POLR3C: variants seen among roughly 807,000 people sequenced by gnomAD.
The protein encoded by POLR3C is RNA polymerase III subunit C, also known as DNA-directed RNA polymerase III subunit RPC3.
Under a neutral mutation model 65.9 loss-of-function variants are expected in POLR3C, and 44 were observed. That is an observed-to-expected ratio of 0.67 (90% confidence interval 0.52 to 0.86). POLR3C has a LOEUF of 0.86. Ranked by LOEUF, POLR3C falls within the 40% of genes least tolerant of loss-of-function variation. The pLI is 0.00. For synonymous variants in POLR3C, 263 were observed against 231.6 expected (o/e 1.14, Z -1.23); for missense variants, 576 against 653.2 (o/e 0.88, Z 1.29).
chr1:145,840,435 G>C (rs2101658348), intron 13 of POLR3C: 2 of 400,674 alleles, frequency 5.0e-6, no homozygotes, highest in Non-Finnish European at 9.3e-6. Context: ...AGCTACTCGG[G>C]AGGCTAAGGC....
intron 4 of POLR3C, 78 bp downstream of exon 4, chr1:145,827,083 A>G: frequency 1.8e-6 from 2 of 1,140,608 alleles, no homozygotes; most frequent in South Asian, 2.7e-5. Flanking sequence ...ATGAAATGTG[A>G]TTGTATTTAC....
chr1:145,827,090 T>C (rs2101631371), intron 4 of POLR3C, 85 bp downstream of exon 4: 1 of 1,090,354 alleles, frequency 9.2e-7, no homozygotes, highest in Non-Finnish European at 1.4e-6. Flanking sequence ...GTGATTGTAT[T>C]TACCAAGTAT....
chr1:145,828,609 T>G, intron 4 of POLR3C, 140 bp from the exon 5 acceptor site: 1 of 627,394 alleles, frequency 1.6e-6, no homozygotes. Context: ...GAGTTTCTTA[T>G]AGCTCTTCAG....
intron 1 of POLR3C, among the ~76,000 whole-genome samples, chr1:145,825,021 A>G (rs1051806325): frequency 6.6e-6 from 1 of 152,106 alleles, no homozygotes; most frequent in Non-Finnish European, 1.5e-5. Context: ...TTTCCTATGC[A>G]TACATTTTTC....
chr1:145,837,913 A>G (rs1476400160), intron 10 of POLR3C, 143 bp from the exon 11 acceptor site: 16 of 723,698 alleles, frequency 2.2e-5, no homozygotes, highest in Non-Finnish European at 3.2e-5. Flanking sequence ...TCACCAACCT[A>G]TGGAGCTGTA....
chr1:145,837,393 A>G (rs1230472588), intron 9 of POLR3C, 143 bp from the exon 10 acceptor site: 31 of 546,616 alleles, frequency 5.7e-5, no homozygotes, highest in Non-Finnish European at 5.8e-5. Flanking sequence ...ATATTTATGT[A>G]CCATGACTGA....
chr1:145,844,258 C>T lies in POLR3C; in HGVS notation c.*1838C>T, dbSNP rs1161121916. On this transcript the variant is annotated 3_prime_UTR_variant, in exon 15 of 15. Transcript: ENST00000334163. ...ATTCACGATAGCCAAAACATGGAAT[C>T]AACCTAAGTGCCCATCAATAGATGA... is the stretch of plus-strand genomic sequence containing the variant. Among the ~76,000 whole-genome samples, 4 of 152,186 alleles carry T rather than the reference C, an allele frequency of 2.6e-5. No individual in the cohort carries two copies. Among genetic ancestry groups the T allele is most frequent in the Non-Finnish European group, 5.9e-5 (4 of 68,032 alleles).
chr1:145,824,749 A>T (rs1264678888), intron 1 of POLR3C, among the ~76,000 whole-genome samples: 2 of 152,220 alleles, frequency 1.3e-5, no homozygotes, highest in East Asian at 1.9e-4. Context: ...CAAACAACGT[A>T]ACCTCATCTC....
At chr1:145,833,886 C>T (rs1006444751) in intron 7 of POLR3C, among the ~76,000 whole-genome samples, 5 of 152,290 alleles carry the variant, frequency 3.3e-5, no homozygotes, top group Middle Eastern at 3.4e-3. Context: ...CATTATTTGA[C>T]CCCCTGTACT....
At chr1:145,842,268 C>T in intron 14 of POLR3C, 71 bp from the exon 15 acceptor site, 1 of 909,034 alleles carries the variant, frequency 1.1e-6, no homozygotes, top group East Asian at 2.4e-5. Flanking sequence ...TGGCCACACC[C>T]ACCCTAACCT....
intron 13 of POLR3C, chr1:145,840,397 G>A (rs1652198630): frequency 2.1e-6 from 1 of 466,390 alleles, no homozygotes; most frequent in African/African-American, 2.0e-5. Flanking sequence ...AAAATTAGCT[G>A]GGCATGGTGG....
At chr1:145,828,702 G>A (rs782097245) in intron 4 of POLR3C, 47 bp from the exon 5 acceptor site, 1 of 1,270,418 alleles carries the variant, frequency 7.9e-7, no homozygotes, top group Admixed American at 1.7e-5. Context: ...GTCATTTCCT[G>A]TCATCATATG....
intron 1 of POLR3C, 198 bp downstream of exon 1, chr1:145,824,567 C>T (rs1553725264): frequency 1.6e-6 from 2 of 1,267,492 alleles, no homozygotes; most frequent in Non-Finnish European, 2.1e-6. Context: ...GATACTGAGG[C>T]GGGGTGGGGA....
At chr1:145,828,506 G>C (rs1200818983) in intron 4 of POLR3C, among the ~76,000 whole-genome samples, 1 of 152,114 alleles carries the variant, frequency 6.6e-6, no homozygotes, top group African/African-American at 2.4e-5. Context: ...GTGGGAGGAT[G>C]ATATCACTGG....
At chr1:145,840,547 A>G (rs1295033041) in intron 13 of POLR3C, 2 of 258,308 alleles carry the variant, frequency 7.7e-6, no homozygotes, top group Non-Finnish European at 1.5e-5. Flanking sequence ...CTCAAAAAAA[A>G]AAATTTTTTT....
chr1:145,825,738 T>C lies in POLR3C; in HGVS notation c.-20-19T>C. On this transcript the variant is annotated intron_variant, in intron 1 of 14. Coordinates refer to ENST00000334163, the MANE Select transcript of POLR3C (RefSeq NM_006468.8). The stretch of plus-strand genomic sequence containing the variant: ...CGTGAAAGACTTTCTATTGTACCAT[T>C]TTGGTGTTTTTTCCCTAGCTCTCAG... 6.4e-7 allele frequency: 1 copy of C among 1,555,930 alleles called. No individual in the cohort carries two copies. Among genetic ancestry groups the C allele is most frequent in the Non-Finnish European group, 8.8e-7 (1 of 1,131,538 alleles).
At position 145,838,165 on chromosome 1, in the gene POLR3C, A is replaced by ATGC; in HGVS notation, c.1182_1184dup (p.Leu395dup). The ATGC allele has an allele frequency of 6.2e-7, 1 of 1,614,016 alleles. No individual in the cohort carries two copies. The highest frequency in any genetic ancestry group is 2.2e-5 in the East Asian group (1 of 44,888). Reference sequence around the variant, plus strand: ...GATTCCTGCAAAGGAGGCAAAGGATATGCTATATAAGATGCTCTCAGAAAA... The same window carrying ATGC: ...GATTCCTGCAAAGGAGGCAAAGGATATGCTGCTATATAAGATGCTCTCAGAAAA... On this transcript the variant is annotated inframe_insertion, in exon 11 of 15. Coordinates refer to ENST00000334163, the MANE Select transcript of POLR3C (RefSeq NM_006468.8).
At chr1:145,833,452 C>A in intron 6 of POLR3C, 38 bp from the exon 7 acceptor site, 2 of 1,557,376 alleles carry the variant, frequency 1.3e-6, no homozygotes, top group Non-Finnish European at 1.8e-6. Context: ...CCAGGGGCAG[C>A]ACTGTGATTT....
At chr1:145,831,566 A>G (rs1453368668) in intron 5 of POLR3C, among the ~76,000 whole-genome samples, 1 of 152,044 alleles carries the variant, frequency 6.6e-6, no homozygotes, top group Non-Finnish European at 1.5e-5. Context: ...AGATTTGGAA[A>G]TGCATCAATA....
Sources: gnomAD v4.1 joint callset for allele counts (sites outside exome capture counted in the v4.1 genomes callset) on GRCh38, gnomAD v4.1.1 for gene constraint, MANE v1.5 for transcripts, NCBI Gene and HGNC (gene_info 2026-07-23, HGNC 2026-07-21) for gene names.